The following SPATA13 variants were observed in gnomAD, a reference collection of about 807,000 sequenced individuals.
The protein encoded by SPATA13 is spermatogenesis-associated protein 13.
A neutral mutation model predicts 104.0 loss-of-function variants in SPATA13; 50 were observed. The observed-to-expected ratio is 0.48, with a 90% CI of 0.38 to 0.61. The LOEUF is 0.61. Ranked by LOEUF, SPATA13 falls within the 20% of genes least tolerant of loss-of-function variation. SPATA13 has a pLI of 0.00. For synonymous variants in SPATA13, 606 were observed against 667.5 expected (o/e 0.91, Z 1.42); for missense variants, 1,524 against 1,690.6 (o/e 0.90, Z 1.73).
At chr13:24,206,592 A>G (rs56933040) in intron 1 of SPATA13, among the ~76,000 whole-genome samples, 3,948 of 152,164 alleles carry the variant, frequency 0.026, 187 homozygotes, top group African/African-American at 0.089. Flanking sequence ...AAATCATTCT[A>G]TTATAAAGAT....
chr13:24,194,917 C>T (rs995958762), intron 1 of SPATA13, among the ~76,000 whole-genome samples: 1 of 152,260 alleles, frequency 6.6e-6, no homozygotes, highest in South Asian at 2.1e-4. Context: ...TGACTAAATT[C>T]ATGGGAAGTG....
chr13:24,270,649 AC>A (rs1874528809), intron 4 of SPATA13: 1 of 1,175,038 alleles, frequency 8.5e-7, no homozygotes, highest in Non-Finnish European at 1.2e-6. Flanking sequence ...CACTGTAGCC[AC>A]TAACCCTTGG....
intron 4 of SPATA13, among the ~76,000 whole-genome samples, chr13:24,271,291 T>G: frequency 6.6e-6 from 1 of 152,146 alleles, no homozygotes; most frequent in East Asian, 1.9e-4. Context: ...CTAGTTTTGC[T>G]GCTGATATTG....
intron 4 of SPATA13, chr13:24,270,654 C>A: frequency 8.1e-7 from 1 of 1,228,604 alleles, no homozygotes; most frequent in Non-Finnish European, 1.1e-6. Flanking sequence ...TAGCCACTAA[C>A]CCTTGGTCAC....
chr13:24,172,927 C>T (rs1054661092), intron 1 of SPATA13, among the ~76,000 whole-genome samples: 1 of 152,186 alleles, frequency 6.6e-6, no homozygotes, highest in Admixed American at 6.5e-5. Context: ...AGTTTCTGAT[C>T]AGTTAACACA....
At chr13:24,211,349 C>CT (rs1374089941) in intron 1 of SPATA13, among the ~76,000 whole-genome samples, 4 of 152,258 alleles carry the variant, frequency 2.6e-5, no homozygotes, top group Admixed American at 2.0e-4. Context: ...AGAGGAAAAG[C>CT]TTTCAGGTTT....
intron 3 of SPATA13, among the ~76,000 whole-genome samples, chr13:24,143,659 G>A (rs566057345): frequency 2.0e-5 from 3 of 152,242 alleles, no homozygotes; most frequent in East Asian, 1.9e-4. Flanking sequence ...TCTGGGGGAC[G>A]TCCTGATACC....
chr13:24,272,593 G>C (rs944256937), intron 4 of SPATA13: 1 of 152,268 alleles, frequency 6.6e-6, no homozygotes, highest in African/African-American at 2.4e-5. Flanking sequence ...TGGCTCCCAG[G>C]AGGACGCCAT....
At chr13:24,008,820 C>T (rs1271630021) in intron 2 of SPATA13, among the ~76,000 whole-genome samples, 1 of 152,174 alleles carries the variant, frequency 6.6e-6, no homozygotes, top group East Asian at 1.9e-4. Context: ...CTATCTTCTG[C>T]AGCTCCTGTC....
At chr13:24,298,015 G>T (rs1237406952) in intron 11 of SPATA13, among the ~76,000 whole-genome samples, 1 of 152,228 alleles carries the variant, frequency 6.6e-6, no homozygotes, top group Non-Finnish European at 1.5e-5. Flanking sequence ...TCCCTATGAA[G>T]TGGTTGCTGT....
At chr13:24,068,126 A>G (rs984894780) in intron 3 of SPATA13, among the ~76,000 whole-genome samples, 1 of 152,156 alleles carries the variant, frequency 6.6e-6, no homozygotes, top group African/African-American at 2.4e-5. Flanking sequence ...CCAAGTGGCC[A>G]TTAGTTACTT....
chr13:24,141,019 A>G (rs1881745332), intron 3 of SPATA13, among the ~76,000 whole-genome samples: 1 of 152,132 alleles, frequency 6.6e-6, no homozygotes, highest in South Asian at 2.1e-4. Context: ...TACTAAAAAT[A>G]CAAAAATTAG....
At chr13:24,081,719 A>AG (rs397730803) in intron 3 of SPATA13, among the ~76,000 whole-genome samples, 2 of 152,048 alleles carry the variant, frequency 1.3e-5, no homozygotes, top group East Asian at 3.9e-4. Flanking sequence ...TTTAAAAAAA[A>AG]TTAAAAATTG....
At chr13:24,075,980 C>T (rs192219314) in intron 3 of SPATA13, among the ~76,000 whole-genome samples, 42 of 152,262 alleles carry the variant, frequency 2.8e-4, no homozygotes, top group Non-Finnish European at 2.5e-4. Context: ...GCAAATCATG[C>T]GGTGGAAACA....
chr13:24,262,944 C>T (rs556155206), intron 4 of SPATA13, among the ~76,000 whole-genome samples: 6 of 152,008 alleles, frequency 3.9e-5, no homozygotes, highest in Non-Finnish European at 7.4e-5. Context: ...AAAATACATA[C>T]GTTCAGGTTA....
chr13:24,069,937 A>G lies in SPATA13; in HGVS notation c.-112+52236A>G, dbSNP rs912857486. On this transcript the variant is annotated intron_variant, in intron 3 of 14. Transcript: ENST00000424834. ...CTCAGAGGCCAAAGGAAGGTCCCCA[A>G]TGTGAGTTCACTCTGGGAGGGCATT... Among the ~76,000 whole-genome samples the G allele has an allele frequency of 7.9e-5, 12 of 152,324 alleles. No homozygotes were observed. In the East Asian group the frequency reaches 9.7e-4, roughly 12 times the overall value.
At chr13:24,089,309 C>A (rs1228232141) in intron 3 of SPATA13, among the ~76,000 whole-genome samples, 1 of 152,092 alleles carries the variant, frequency 6.6e-6, no homozygotes, top group Non-Finnish European at 1.5e-5. Context: ...TGCATGGGAC[C>A]CCCCCACACA....
At chr13:23,998,559 A>G (rs1875801264) in intron 2 of SPATA13, among the ~76,000 whole-genome samples, 1 of 152,238 alleles carries the variant, frequency 6.6e-6, no homozygotes, top group African/African-American at 2.4e-5. Context: ...TTTGAAAAAC[A>G]GAAGTTTTAA....
chr13:24,251,931 G>A, intron 4 of SPATA13, 69 bp downstream of exon 4: 1 of 1,539,942 alleles, frequency 6.5e-7, no homozygotes, highest in Non-Finnish European at 8.8e-7. Context: ...GCTAACCTGA[G>A]GCAGCAGGTT....
Sources: gnomAD v4.1 joint callset for allele counts (sites outside exome capture counted in the v4.1 genomes callset) on GRCh38, gnomAD v4.1.1 for gene constraint, MANE v1.5 for transcripts, NCBI Gene and HGNC (gene_info 2026-07-23, HGNC 2026-07-21) for gene names.